SLC35E4: variants seen among roughly 807,000 people sequenced by gnomAD.
SLC35E4 encodes the protein solute carrier family 35, member E4.
A neutral mutation model predicts 19.3 loss-of-function variants in SLC35E4; 15 were observed. The ratio of observed to expected loss-of-function variants is 0.78; its 90% confidence interval spans 0.52 to 1.20. The LOEUF (loss-of-function observed/expected upper bound fraction) is 1.20, where lower values mean the gene tolerates loss of function less well. Among genes scored for constraint, SLC35E4 ranks in the 50% most tolerant of loss-of-function variants. The pLI, the probability that SLC35E4 is intolerant of heterozygous loss-of-function variation, is 0.00. For synonymous variants in SLC35E4, 219 were observed against 219.9 expected, an observed-to-expected ratio of 1.00 and a Z score of 0.04; for missense variants, 406 against 472.3, an observed-to-expected ratio of 0.86 and a Z score of 1.30.
intron 2 of SLC35E4, among the ~76,000 whole-genome samples, chr22:30,658,375 G>GA (rs200301428): frequency 0.082 from 11,849 of 145,288 alleles, 535 homozygotes; most frequent in African/African-American, 0.11. Flanking sequence ...TCTGTCTCTA[G>GA]AAAAAAAAAA....
intron 2 of SLC35E4, among the ~76,000 whole-genome samples, chr22:30,658,427 A>G (rs1215735206): frequency 2.0e-5 from 3 of 151,888 alleles, no homozygotes; most frequent in Middle Eastern, 3.4e-3. Flanking sequence ...AGTGGTGGCC[A>G]GAAAAGCACC....
chr22:30,657,328 G>A (rs1186131820), intron 2 of SLC35E4, among the ~76,000 whole-genome samples: 4 of 151,244 alleles, frequency 2.6e-5, no homozygotes, highest in South Asian at 2.1e-4. Flanking sequence ...GCGTGGGGGC[G>A]GGCACCTGTA....
intron 1 of SLC35E4, among the ~76,000 whole-genome samples, chr22:30,641,554 A>AT (rs575039875): frequency 0.013 from 1,937 of 146,708 alleles, 25 homozygotes; most frequent in Non-Finnish European, 0.017. Flanking sequence ...TTATTTTATT[A>AT]TTTTTTTTTT....
chr22:30,648,244 T>C (rs1283987228), downstream of SLC35E4, among the ~76,000 whole-genome samples: 4 of 152,176 alleles, frequency 2.6e-5, no homozygotes, highest in African/African-American at 9.7e-5. Flanking sequence ...ACGTGGCACC[T>C]GCAGCCTCAC....
chr22:30,663,528 A>T (rs745697186), downstream of SLC35E4: 21 of 1,614,080 alleles, frequency 1.3e-5, no homozygotes, highest in Non-Finnish European at 1.7e-5. Context: ...GTTCTTGCCA[A>T]ACAATTGGAA....
At chr22:30,649,077 AGAT>A (rs931781941), downstream of SLC35E4, 17 of 676,400 alleles carry the variant, frequency 2.5e-5, no homozygotes, top group African/African-American at 2.5e-4. Context: ...CACCTGTTAA[AGAT>A]GATAAGGACC....
intron 1 of SLC35E4, among the ~76,000 whole-genome samples, chr22:30,641,718 AT>A (rs56070783): frequency 0.032 from 3,511 of 108,850 alleles, 75 homozygotes; most frequent in South Asian, 0.062. Flanking sequence ...CTAATTTTTA[AT>A]TTTTTTTTTT....
intron 1 of SLC35E4, among the ~76,000 whole-genome samples, chr22:30,640,646 AG>A (rs1317054965): frequency 1.3e-5 from 2 of 152,118 alleles, no homozygotes; most frequent in Non-Finnish European, 2.9e-5. Flanking sequence ...AAGGAGACAT[AG>A]GGGAGGCCAG....
chr22:30,649,814 G>A (rs1186887600), downstream of SLC35E4, among the ~76,000 whole-genome samples: 1 of 149,656 alleles, frequency 6.7e-6, no homozygotes, highest in Non-Finnish European at 1.5e-5. Flanking sequence ...TCATTTCTAG[G>A]CCTTGTGGGA....
At chr22:30,642,555 T>A (rs931421030) in intron 1 of SLC35E4, among the ~76,000 whole-genome samples, 16 of 150,892 alleles carry the variant, frequency 1.1e-4, no homozygotes, top group African/African-American at 3.7e-4. Context: ...CTGGCCAGCA[T>A]GGTGAATCCC....
chr22:30,640,724 T>G (rs1416332268), intron 1 of SLC35E4, among the ~76,000 whole-genome samples: 4 of 152,212 alleles, frequency 2.6e-5, no homozygotes, highest in Non-Finnish European at 5.9e-5. Context: ...CTGGGCAACC[T>G]TGGGCATATT....
At chr22:30,666,044 C>A (rs1325185203), downstream of SLC35E4, among the ~76,000 whole-genome samples, 1 of 152,112 alleles carries the variant, frequency 6.6e-6, no homozygotes, top group Admixed American at 6.5e-5. Context: ...CAGGCTCATT[C>A]CCGGAAGGAC....
intron 1 of SLC35E4, 130 bp from the exon 2 acceptor site, chr22:30,646,468 G>T: frequency 9.2e-7 from 1 of 1,084,158 alleles, no homozygotes; most frequent in South Asian, 1.5e-5. Context: ...TCATGTTTCA[G>T]ATCAGGAGCC....
rs2087962673 is a variant in SLC35E4, at chr22:30,636,991, G to A, written c.541G>A (p.Glu181Lys). Residue 181 changes from glutamate to lysine, a missense_variant, in exon 1 of 2, where the codon GAG becomes AAG. Transcript: ENST00000343605. ...GGGGGCCGCCTGCAGCCTGGCTGGA[G>A]AGTTCCGGACACCCCCTACCGGCTG... ...CLGAACSLAG[E>K]FRTPPTGCGF... 1 of 1,611,496 alleles carries A rather than the reference G, an allele frequency of 6.2e-7. No individual in the cohort carries two copies. Among genetic ancestry groups the A allele is most frequent in the Non-Finnish European group, 8.5e-7 (1 of 1,178,870 alleles).
chr22:30,661,944 T>C (rs999935336), intron 2 of SLC35E4: 1 of 138,986 alleles, frequency 7.2e-6, no homozygotes, highest in South Asian at 2.2e-4. Flanking sequence ...GACCTCTAGA[T>C]TGCACCTAGA....
chr22:30,638,989 C>T (rs2087994238), intron 1 of SLC35E4, among the ~76,000 whole-genome samples: 1 of 147,442 alleles, frequency 6.8e-6, no homozygotes, highest in African/African-American at 2.5e-5. Context: ...AAGTTCAGCC[C>T]AGCGCAGTGG....
intron 1 of SLC35E4, among the ~76,000 whole-genome samples, chr22:30,645,703 T>C (rs1423047658): frequency 6.6e-6 from 1 of 150,936 alleles, no homozygotes; most frequent in African/African-American, 2.4e-5. Context: ...GTCATTGAGG[T>C]GGAGTGTAGT....
downstream of SLC35E4, among the ~76,000 whole-genome samples, chr22:30,666,084 A>G (rs1035735695): frequency 2.6e-5 from 4 of 152,216 alleles, no homozygotes; most frequent in Admixed American, 1.3e-4. Flanking sequence ...CAGAGGTGAT[A>G]TGAAGGGCAA....
rs1470648806 is a variant in SLC35E4 at position 30,647,750 on chromosome 22, G to A, written c.*719G>A. On this transcript the variant is annotated 3_prime_UTR_variant, in exon 2 of 2. Transcript: ENST00000343605. ...CCTCCTGGGGGGGAGGCAGCTAGGA[G>A]GCCCAGCAGGGGGGCTTCTATGCTG... The A allele has an allele frequency of 6.6e-6, 1 of 152,220 alleles. No individual in the cohort carries two copies. The allele number at this position is 152,220 out of a possible 1,614,324, so 9.4% of individuals were successfully genotyped here.
Sources: allele counts gnomAD v4.1 joint callset (sites outside exome capture counted in the v4.1 genomes callset), GRCh38; gene constraint gnomAD v4.1.1; transcripts MANE v1.5; gene names NCBI Gene and HGNC (gene_info 2026-07-23, HGNC 2026-07-21).